Variants in MYCBP observed in about 807,000 individuals in gnomAD.
MYCBP encodes the protein MYC binding protein, also known as C-Myc-binding protein.
A neutral mutation model predicts 16.8 loss-of-function variants in MYCBP; 5 were observed. That is an observed-to-expected ratio of 0.30 (90% CI 0.16 to 0.63). The LOEUF (loss-of-function observed/expected upper bound fraction) is 0.63, where lower values mean the gene tolerates loss of function less well. MYCBP is among the 20% of genes least tolerant of loss of function. The pLI is 0.83. For synonymous variants in MYCBP, 35 were observed against 43.7 expected, an observed-to-expected ratio of 0.80 and a Z score of 0.79; for missense variants, 103 against 121.8, an observed-to-expected ratio of 0.85 and a Z score of 0.73.
At chr1:38,868,714 G>A (rs936462026) in intron 2 of MYCBP, among the ~76,000 whole-genome samples, 12 of 152,098 alleles carry the variant, frequency 7.9e-5, no homozygotes, top group Non-Finnish European at 1.3e-4. Context: ...GACCATCCTG[G>A]CTAACACAGT....
chr1:38,873,224 C>T, intron 1 of MYCBP, 67 bp downstream of exon 1: 2 of 1,585,252 alleles, frequency 1.3e-6, no homozygotes, highest in Admixed American at 3.5e-5. Context: ...CGACCCCACT[C>T]CCACCCAGAG....
intron 2 of MYCBP, among the ~76,000 whole-genome samples, chr1:38,868,722 A>C (rs181849559): frequency 5.9e-5 from 9 of 152,146 alleles, no homozygotes; most frequent in African/African-American, 2.2e-4. Flanking sequence ...TGGCTAACAC[A>C]GTGAAACCCC....
rs1227407609 is a variant in MYCBP, at chr1:38,866,931, C to T, written c.216G>A (p.Met72Ile). The change falls in exon 4 of 5, where the codon ATG becomes ATA. Residue 72 changes from methionine (M) to isoleucine (I), a missense_variant. By Grantham distance (10) the Met-to-Ile change is conservative. Transcript: ENST00000397572. The stretch of plus-strand genomic sequence containing the variant: ...CTACAATAGCTTCATACTTCTCTTT[C>T]ATTTCGGCCAGTTCTAGGCGAAGCA... ...IELLRLELAE[M>I]KEKYEAIVEE... 1.3e-6 allele frequency: 2 copies of T among 1,592,520 alleles called. No homozygotes were observed. Among genetic ancestry groups the T allele is most frequent in the African/African-American group, 2.7e-5 (2 of 73,566 alleles).
chr1:38,870,813 A>C (rs1384013401), intron 2 of MYCBP, among the ~76,000 whole-genome samples: 1 of 143,754 alleles, frequency 7.0e-6, no homozygotes. Flanking sequence ...AAAAAAAAAA[A>C]AAAAAAAAAA....
intron 2 of MYCBP, among the ~76,000 whole-genome samples, chr1:38,868,281 G>T (rs552908807): frequency 6.6e-6 from 1 of 152,156 alleles, no homozygotes; most frequent in Non-Finnish European, 1.5e-5. Flanking sequence ...AAAGAAATTC[G>T]AGAATTTAGG....
intron 4 of MYCBP, among the ~76,000 whole-genome samples, chr1:38,865,293 C>T (rs940076215): frequency 7.9e-5 from 12 of 152,190 alleles, no homozygotes; most frequent in African/African-American, 2.4e-4. Context: ...AGTTGAGAAG[C>T]TTATTAGACT....
chr1:38,872,471 G>GT (rs61082710), intron 2 of MYCBP: 3,558 of 153,270 alleles, frequency 0.023, 142 homozygotes, highest in African/African-American at 0.079. Context: ...TCTTTAAGCT[G>GT]TAATTCTACT....
chr1:38,870,169 CAA>C (rs1221257996), intron 2 of MYCBP, among the ~76,000 whole-genome samples: 9 of 77,206 alleles, frequency 1.2e-4, no homozygotes, highest in Non-Finnish European at 1.4e-4. Flanking sequence ...GACTCCGTCT[CAA>C]AAAAAAAAAA....
chr1:38,873,324 GTAGC>G lies in MYCBP; in HGVS notation c.-23_-20del. 1 of 1,600,004 alleles carries G rather than the reference GTAGC, an allele frequency of 6.2e-7. No individual in the cohort carries two copies. The highest frequency in any genetic ancestry group is 8.5e-7 in the Non-Finnish European group (1 of 1,178,228). ...GGGCCATAGTGACAGCGGCAGCGGC[GTAGC>G]TGGCGCCGGAGACCGCGACTGGCGG... On this transcript the variant is annotated 5_prime_UTR_variant, in exon 1 of 5. Coordinates refer to ENST00000397572, the MANE Select transcript of MYCBP (RefSeq NM_012333.5).
intron 3 of MYCBP, 34 bp downstream of exon 3, chr1:38,867,528 C>G: frequency 6.4e-7 from 1 of 1,565,996 alleles, no homozygotes; most frequent in Non-Finnish European, 8.7e-7. Flanking sequence ...ATAAGAGTTT[C>G]AAAATAAAGC....
chr1:38,867,134 A>T, intron 3 of MYCBP, 125 bp from the exon 4 acceptor site: 1 of 942,860 alleles, frequency 1.1e-6, no homozygotes, highest in Non-Finnish European at 1.6e-6. Context: ...AGAGATCACC[A>T]TCCAAAAACT....
Position 38,864,337 on chromosome 1 carries a change from G to T in MYCBP, c.*333C>A. On this transcript the variant is annotated 3_prime_UTR_variant, in exon 5 of 5. Coordinates refer to ENST00000397572, the MANE Select transcript of MYCBP (RefSeq NM_012333.5). Reference sequence around the variant, plus strand: ...GTGTTCATATCCTGAACTGCACCAAGGAATAGCTCCATGCTAAACTGTCTT... The same window carrying T: ...GTGTTCATATCCTGAACTGCACCAATGAATAGCTCCATGCTAAACTGTCTT... The T allele has an allele frequency of 2.9e-6, 1 of 340,852 alleles. No homozygotes were observed. The highest frequency in any genetic ancestry group is 5.6e-6 in the Non-Finnish European group (1 of 179,750). The allele number at this position is 340,852 out of a possible 1,614,324, so 21.1% of individuals were successfully genotyped here.
At chr1:38,872,740 C>G (rs1642491743) in intron 2 of MYCBP, 2 of 494,798 alleles carry the variant, frequency 4.0e-6, no homozygotes, top group African/African-American at 4.0e-5. Context: ...AACATGTCCA[C>G]TGCGGCTGCT....
chr1:38,869,574 A>G (rs1018205492), intron 2 of MYCBP, among the ~76,000 whole-genome samples: 20 of 152,214 alleles, frequency 1.3e-4, no homozygotes, highest in African/African-American at 4.8e-4. Context: ...GTAATCAGAC[A>G]AGAACTCTAT....
chr1:38,872,870 C>G, intron 2 of MYCBP, 148 bp downstream of exon 2: 4 of 869,916 alleles, frequency 4.6e-6, no homozygotes, highest in Non-Finnish European at 5.2e-6. Flanking sequence ...CAGCCAGGTC[C>G]CTGCTGAACC....
intron 4 of MYCBP, among the ~76,000 whole-genome samples, chr1:38,866,058 T>TTTTTTTTTTTTTTTTTTTTTTTTTTTC (rs1642329692): frequency 7.2e-6 from 1 of 138,290 alleles, no homozygotes; most frequent in African/African-American, 2.9e-5. Context: ...TTTTTTTTTT[T>TTTTTTTTTTTTTTTTTTTTTTTTTTTC]TTTTTTTGAG....
rs912573217 is a variant in MYCBP at position 38,873,102 on chromosome 1, C to G, written c.16-12G>C. On this transcript the variant is annotated splice_polypyrimidine_tract_variant and intron_variant, in intron 1 of 4. Coordinates refer to ENST00000397572, the MANE Select transcript of MYCBP (RefSeq NM_012333.5). ...TTCGAGTCGGCGGCCTGAAGAGACACCGGGGGTCAGTGGCCAGAGCCCGGG... is the reference window on the plus strand; with the variant it reads ...TTCGAGTCGGCGGCCTGAAGAGACAGCGGGGGTCAGTGGCCAGAGCCCGGG... The G allele has an allele frequency of 3.9e-6, 6 of 1,557,280 alleles. No homozygotes were observed. The African/African-American group carries it at 6.8e-5, about 18-fold the overall frequency.
intron 2 of MYCBP, 90 bp downstream of exon 2, chr1:38,872,926 CCT>C (rs1466218830): frequency 1.4e-6 from 2 of 1,432,356 alleles, no homozygotes; most frequent in Admixed American, 4.2e-5. Flanking sequence ...ATCTGTTTCC[CCT>C]CCTTCCCCAC....
intron 4 of MYCBP, among the ~76,000 whole-genome samples, chr1:38,866,413 CTT>C (rs763154379): frequency 6.9e-4 from 94 of 136,658 alleles, no homozygotes; most frequent in Admixed American, 9.6e-4. Context: ...TTGCGGTTTT[CTT>C]TTTTTTTTTT....
Sources: gnomAD v4.1 joint callset for allele counts (sites outside exome capture counted in the v4.1 genomes callset) on GRCh38, gnomAD v4.1.1 for gene constraint, MANE v1.5 for transcripts, NCBI Gene and HGNC (gene_info 2026-07-23, HGNC 2026-07-21) for gene names.